Variants in NPRL3 observed in about 807,000 individuals in gnomAD.
NPRL3 encodes the protein GATOR1 complex protein NPRL3.
In NPRL3, 23 loss-of-function variants were observed where a neutral mutation model predicts 57.2. The ratio of observed to expected loss-of-function variants is 0.40; its 90% CI spans 0.29 to 0.57. The LOEUF is 0.57. NPRL3 is among the 20% of genes least tolerant of loss of function. NPRL3 has a pLI of 0.42. For synonymous variants in NPRL3, 333 were observed against 321.1 expected, an observed-to-expected ratio of 1.04 and a Z score of -0.39; for missense variants, 691 against 767.1, an observed-to-expected ratio of 0.90 and a Z score of 1.17.
At chr16:103,748 G>A (rs1176428991) in intron 7 of NPRL3, among the ~76,000 whole-genome samples, 1 of 152,192 alleles carries the variant, frequency 6.6e-6, no homozygotes, top group Non-Finnish European at 1.5e-5. Context: ...GGAGGCCGAG[G>A]CAGGCCGATC....
chr16:127,724 G>T (rs1284360657), intron 3 of NPRL3, among the ~76,000 whole-genome samples: 2 of 145,376 alleles, frequency 1.4e-5, no homozygotes, highest in Admixed American at 1.4e-4. Flanking sequence ...GCACAATCTT[G>T]GCTCACTGCA....
chr16:110,495 G>C (rs1899754133), intron 7 of NPRL3, 30 bp downstream of exon 7: 10 of 1,584,906 alleles, frequency 6.3e-6, no homozygotes, highest in Non-Finnish European at 8.6e-6. Flanking sequence ...CCATAAGAAG[G>C]AGGTTAATAA....
intron 2 of NPRL3, among the ~76,000 whole-genome samples, chr16:134,423 G>A (rs1204392221): frequency 6.6e-6 from 1 of 151,982 alleles, no homozygotes; most frequent in Non-Finnish European, 1.5e-5. Context: ...TGAAAACAAT[G>A]GAAAAGCTAA....
At chr16:111,355 A>C (rs1338347423) in intron 6 of NPRL3, among the ~76,000 whole-genome samples, 2 of 152,136 alleles carry the variant, frequency 1.3e-5, no homozygotes, top group Admixed American at 1.3e-4. Context: ...AGCAGAGATC[A>C]CACCACTGCA....
At chr16:95,131 T>G (rs1898932817) in intron 9 of NPRL3, among the ~76,000 whole-genome samples, 1 of 151,866 alleles carries the variant, frequency 6.6e-6, no homozygotes, top group African/African-American at 2.4e-5. Context: ...GAGATTACAT[T>G]TAGAGCTCAA....
chr16:130,954 G>A (rs891647544), intron 2 of NPRL3, among the ~76,000 whole-genome samples: 7 of 152,168 alleles, frequency 4.6e-5, no homozygotes, highest in African/African-American at 1.2e-4. Flanking sequence ...AACAGATAGC[G>A]GTAATGGCTG....
At chr16:137,602 T>G (rs1901164427) in intron 2 of NPRL3, among the ~76,000 whole-genome samples, 1 of 151,354 alleles carries the variant, frequency 6.6e-6, no homozygotes, top group Non-Finnish European at 1.5e-5. Context: ...CAGGCTGGAA[T>G]CCAGTGGCGC....
intron 13 of NPRL3, among the ~76,000 whole-genome samples, chr16:88,310 A>C (rs936598567): frequency 6.7e-6 from 1 of 150,120 alleles, no homozygotes; most frequent in Non-Finnish European, 1.5e-5. Flanking sequence ...GAACCCGGGA[A>C]GCGGAGCTTG....
At position 137,541 on chromosome 16, in the gene NPRL3, G is replaced by A. The variant is rs1279320451; in HGVS notation, c.118+609C>T. On this transcript the variant is annotated intron_variant, in intron 2 of 13. Coordinates refer to ENST00000611875, the MANE Select transcript of NPRL3 (RefSeq NM_001077350.3). Reference sequence around the variant, plus strand: ...GGGGGTGGCAAAGACAACTTCAGATGTTCACGTAACTTTTTTTTTTTTTTT... The same window carrying A: ...GGGGGTGGCAAAGACAACTTCAGATATTCACGTAACTTTTTTTTTTTTTTT... Among the ~76,000 whole-genome samples the A allele has an allele frequency of 4.0e-5, 6 of 150,882 alleles. No homozygotes were observed. The East Asian group carries it at 1.2e-3, about 29-fold the overall frequency.
chr16:117,780 C>G (rs1437064188), intron 4 of NPRL3, among the ~76,000 whole-genome samples: 1 of 152,244 alleles, frequency 6.6e-6, no homozygotes, highest in Non-Finnish European at 1.5e-5. Context: ...GACAGCCAAG[C>G]CCTGAGCAGG....
At chr16:119,955 G>A (rs216097) in intron 3 of NPRL3, among the ~76,000 whole-genome samples, 9,565 of 152,240 alleles carry the variant, frequency 0.063, 997 homozygotes, top group African/African-American at 0.22. Flanking sequence ...TGGTGTGGGA[G>A]GGAGGGCATC....
At chr16:112,533 C>A in intron 6 of NPRL3, 89 bp downstream of exon 6, 11 of 1,293,070 alleles carry the variant, frequency 8.5e-6, no homozygotes, top group Non-Finnish European at 1.1e-5. Flanking sequence ...ATCATTAACA[C>A]TGAATGACAG....
At chr16:114,226 G>C (rs1899935366) in intron 5 of NPRL3, among the ~76,000 whole-genome samples, 1 of 152,196 alleles carries the variant, frequency 6.6e-6, no homozygotes, top group Non-Finnish European at 1.5e-5. Context: ...GACATACAAA[G>C]TGGTGCAGTC....
At chr16:131,478 CAA>C (rs35711713) in intron 2 of NPRL3, among the ~76,000 whole-genome samples, 9 of 98,480 alleles carry the variant, frequency 9.1e-5, no homozygotes, top group Non-Finnish European at 9.5e-5. Flanking sequence ...GACTCCGTCT[CAA>C]AAAAAAAAAA....
At chr16:128,254 G>A (rs909483642) in intron 3 of NPRL3, among the ~76,000 whole-genome samples, 2 of 152,182 alleles carry the variant, frequency 1.3e-5, no homozygotes, top group Non-Finnish European at 2.9e-5. Flanking sequence ...CAAAGTGCTT[G>A]GATTACAGGC....
rs771288626 is a variant in NPRL3, at chr16:86,805, C to T, written c.1610G>A (p.Arg537His). Residue 537 changes from arginine (R) to histidine (H), a missense_variant, in exon 14 of 14, where the codon CGC (arginine) becomes CAC (histidine). Physicochemically the swap from Arg to His is conservative, Grantham distance 29. Coordinates refer to ENST00000611875, the MANE Select transcript of NPRL3 (RefSeq NM_001077350.3). ...GTCAAACAGCATGAGCAGCTGGGAG[C>T]GCCGCGTGTTCTCGTTGTACATAAT... ...EEIMYNENTR[R>H]SQLLMLFDKF... The T allele has an allele frequency of 3.7e-6, 6 of 1,612,202 alleles. No homozygotes were observed. The highest frequency in any genetic ancestry group is 5.1e-6 in the Non-Finnish European group (6 of 1,179,250).
chr16:128,262 G>A (rs1900633141), intron 3 of NPRL3, among the ~76,000 whole-genome samples: 1 of 152,192 alleles, frequency 6.6e-6, no homozygotes, highest in Non-Finnish European at 1.5e-5. Context: ...TTGGATTACA[G>A]GCATAAGCCA....
chr16:89,078 G>A lies in NPRL3; in HGVS notation c.1352-188C>T, dbSNP rs558853684. The A allele has an allele frequency of 2.6e-4, 158 of 609,316 alleles. 2 individuals are homozygous for A. The highest frequency in any genetic ancestry group is 1.4e-3 in the African/African-American group (74 of 54,376). 37.7% of individuals were successfully genotyped at this position (609,316 alleles called of 1,614,324 possible). A position where few individuals can be genotyped will look rare whatever the true frequency, so the allele number is the denominator to read the frequency against. On this transcript the variant is annotated intron_variant, in intron 12 of 13. Transcript: ENST00000611875. ...GACACGCCCCTCATACGGCTGACTTGGGAAACGGGTAGCCTCCCCTCTGGG... is the reference window on the plus strand; with the variant it reads ...GACACGCCCCTCATACGGCTGACTTAGGAAACGGGTAGCCTCCCCTCTGGG...
At chr16:114,031 C>G (rs1410479965) in intron 5 of NPRL3, among the ~76,000 whole-genome samples, 1 of 152,190 alleles carries the variant, frequency 6.6e-6, no homozygotes, top group Non-Finnish European at 1.5e-5. Context: ...GACCAGAGGG[C>G]TGACATATGG....
Sources: allele counts gnomAD v4.1 joint callset (sites outside exome capture counted in the v4.1 genomes callset), GRCh38; gene constraint gnomAD v4.1.1; transcripts MANE v1.5; gene names NCBI Gene and HGNC (gene_info 2026-07-23, HGNC 2026-07-21).